Variants in FAM13A observed in about 807,000 individuals in gnomAD.
FAM13A encodes the protein protein FAM13A.
FAM13A carries 76 observed loss-of-function variants against 129.6 expected under a neutral mutation model. The observed-to-expected ratio is 0.59, with a 90% confidence interval of 0.49 to 0.71. The LOEUF is 0.71. FAM13A is among the 30% of genes least tolerant of loss of function. The pLI is 0.00. For missense variants in FAM13A, 1,108 were observed against 1,249.3 expected, an observed-to-expected ratio of 0.89 and a Z score of 1.70; for synonymous variants, 443 against 449.9, an observed-to-expected ratio of 0.98 and a Z score of 0.20.
At chr4:88,754,675 T>C (rs1397894514) in intron 14 of FAM13A, among the ~76,000 whole-genome samples, 1 of 152,220 alleles carries the variant, frequency 6.6e-6, no homozygotes, top group African/African-American at 2.4e-5. Flanking sequence ...TTTTCTTTAG[T>C]GTTCCAAAAT....
intron 6 of FAM13A, among the ~76,000 whole-genome samples, chr4:88,893,933 C>G (rs1217520114): frequency 1.3e-5 from 2 of 151,952 alleles, no homozygotes; most frequent in Non-Finnish European, 2.9e-5. Flanking sequence ...CCCGACCTAA[C>G]TGCAAAGGGG....
chr4:88,962,341 G>A (rs973054719), intron 4 of FAM13A, among the ~76,000 whole-genome samples: 2 of 152,094 alleles, frequency 1.3e-5, no homozygotes, highest in Non-Finnish European at 2.9e-5. Flanking sequence ...TAGGAAATTC[G>A]GAACAAGCAT....
At chr4:89,020,205 A>C (rs932406375) in intron 3 of FAM13A, among the ~76,000 whole-genome samples, 19 of 152,100 alleles carry the variant, frequency 1.2e-4, no homozygotes, top group African/African-American at 4.6e-4. Context: ...AAAGACCACA[A>C]ATATTTAAAA....
intron 11 of FAM13A, among the ~76,000 whole-genome samples, chr4:88,776,783 C>T (rs1018089009): frequency 3.3e-5 from 5 of 151,914 alleles, no homozygotes; most frequent in African/African-American, 9.7e-5. Flanking sequence ...AGGACCAGCC[C>T]GGCCAACATG....
At chr4:88,828,305 TA>T (rs1561103062) in intron 7 of FAM13A, among the ~76,000 whole-genome samples, 2 of 151,996 alleles carry the variant, frequency 1.3e-5, no homozygotes, top group African/African-American at 4.8e-5. Flanking sequence ...AATGCCTGGA[TA>T]ATTTATTTTT....
At chr4:88,895,729 C>T (rs534074094) in intron 6 of FAM13A, among the ~76,000 whole-genome samples, 2 of 109,902 alleles carry the variant, frequency 1.8e-5, no homozygotes, top group South Asian at 3.5e-4. Flanking sequence ...GATACCATCT[C>T]ACACCAGTTA....
In FAM13A at chr4:88,881,025, G is replaced by A. The variant is rs538458002; in HGVS notation, c.843+25354C>T. On this transcript the variant is annotated intron_variant, in intron 6 of 23. Transcript: ENST00000264344. Reference sequence around the variant, plus strand: ...GAGCCTAACCCTGCCCCCACCTGATGGTCTTTCTCCACCAGCCCTGGTAGC... The same window carrying A: ...GAGCCTAACCCTGCCCCCACCTGATAGTCTTTCTCCACCAGCCCTGGTAGC... Among the ~76,000 whole-genome samples, 74 of 152,206 alleles carry A rather than the reference G, an allele frequency of 4.9e-4. 1 individual carries two copies. The highest frequency in any genetic ancestry group is 1.7e-3 in the African/African-American group (70 of 41,526).
At chr4:88,741,138 A>G (rs776868714) in intron 19 of FAM13A, among the ~76,000 whole-genome samples, 2 of 152,228 alleles carry the variant, frequency 1.3e-5, no homozygotes, top group African/African-American at 2.4e-5. Flanking sequence ...TGATCCATCA[A>G]TTCCACTCTT....
chr4:89,046,356 C>T (rs949647555), intron 1 of FAM13A, among the ~76,000 whole-genome samples: 4 of 152,156 alleles, frequency 2.6e-5, no homozygotes, highest in African/African-American at 7.2e-5. Context: ...AGAGCTGCCA[C>T]GTGGTTCAGA....
chr4:88,757,648 T>C lies in FAM13A; in HGVS notation c.1726+1106A>G, dbSNP rs114909286. Among the ~76,000 whole-genome samples the C allele has an allele frequency of 7.4e-3, 1,123 of 152,274 alleles. 15 individuals are homozygous for C. The highest frequency in any genetic ancestry group is 0.025 in the African/African-American group (1,046 of 41,544). On this transcript the variant is annotated intron_variant, in intron 14 of 23. Transcript: ENST00000264344. ...ATCTGAAACCCACTGCCTAATTATA[T>C]AAAAATAACTAGAACAGGTTTCTTA...
At chr4:89,035,040 C>T (rs756697071) in intron 1 of FAM13A, among the ~76,000 whole-genome samples, 1 of 152,114 alleles carries the variant, frequency 6.6e-6, no homozygotes. Flanking sequence ...TGGAATACAA[C>T]GCAGCCATAA....
intron 6 of FAM13A, among the ~76,000 whole-genome samples, chr4:88,873,446 T>C (rs1741785533): frequency 6.6e-6 from 1 of 152,106 alleles, no homozygotes; most frequent in African/African-American, 2.4e-5. Context: ...CAACAAAAAA[T>C]GATAAAGGGG....
chr4:88,773,585 A>T (rs1052969122), intron 11 of FAM13A, among the ~76,000 whole-genome samples: 54 of 152,144 alleles, frequency 3.5e-4, no homozygotes, highest in African/African-American at 1.2e-3. Context: ...CTCCCTTCTC[A>T]TCTGCTTACC....
rs62308737 is a variant in FAM13A at position 88,781,854 on chromosome 4, C to A, written c.1272-503G>T. ...GGAGACTGTTGTGGGGTGGGGGGAG[C>A]GGGGAGGGATAGCATTAGGAGATAT... is the stretch of plus-strand genomic sequence containing the variant. On this transcript the variant is annotated intron_variant, in intron 10 of 23. Coordinates refer to ENST00000264344, the MANE Select transcript of FAM13A (RefSeq NM_014883.4). Among the ~76,000 whole-genome samples the A allele has an allele frequency of 1.6e-4, 23 of 146,706 alleles. 1 individual carries two copies. Among genetic ancestry groups the A allele is most frequent in the Middle Eastern group, 3.4e-3 (1 of 290 alleles).
chr4:88,873,845 ATT>A lies in FAM13A; in HGVS notation c.844-22664_844-22663del, dbSNP rs530935495. Among the ~76,000 whole-genome samples, 3 of 152,304 alleles carry A rather than the reference ATT, an allele frequency of 2.0e-5. No homozygotes were observed. The East Asian group carries it at 5.8e-4, about 29-fold the overall frequency. ...CAGAGACACAACAACAAAAAAGAGA[ATT>A]TTAGACCAATATCCTTGATGAACAT... On this transcript the variant is annotated intron_variant, in intron 6 of 23. Transcript: ENST00000264344.
intron 1 of FAM13A, among the ~76,000 whole-genome samples, chr4:89,040,448 G>C (rs1186658691): frequency 6.6e-6 from 1 of 152,248 alleles, no homozygotes; most frequent in Non-Finnish European, 1.5e-5. Context: ...GACAGCATAA[G>C]AGGAAAAGGA....
At chr4:89,036,038 T>TCGC (rs1769350904) in intron 1 of FAM13A, among the ~76,000 whole-genome samples, 1 of 152,204 alleles carries the variant, frequency 6.6e-6, no homozygotes, top group African/African-American at 2.4e-5. Flanking sequence ...GGAGTGGGCA[T>TCGC]TGCTATAAAG....
chr4:88,983,675 T>C (rs1450189344), intron 4 of FAM13A, among the ~76,000 whole-genome samples: 1 of 152,184 alleles, frequency 6.6e-6, no homozygotes, highest in Non-Finnish European at 1.5e-5. Context: ...AAATATTTCA[T>C]GCTCACATAT....
chr4:88,954,913 T>C (rs1164510755), intron 4 of FAM13A, among the ~76,000 whole-genome samples: 1 of 151,594 alleles, frequency 6.6e-6, no homozygotes, highest in Non-Finnish European at 1.5e-5. Context: ...AAAAATGTTA[T>C]GAGAACTCCA....
Sources: allele counts gnomAD v4.1 joint callset (sites outside exome capture counted in the v4.1 genomes callset), GRCh38; gene constraint gnomAD v4.1.1; transcripts MANE v1.5; gene names NCBI Gene and HGNC (gene_info 2026-07-23, HGNC 2026-07-21).